Variants in RELN observed in about 807,000 individuals in gnomAD.
The protein encoded by RELN is reelin.
Under a neutral mutation model 427.6 loss-of-function variants are expected in RELN, and 108 were observed. The observed-to-expected ratio is 0.25, with a 90% CI of 0.22 to 0.30. The LOEUF (loss-of-function observed/expected upper bound fraction) is 0.30. Among genes scored for constraint, RELN ranks in the 10% least tolerant of loss-of-function variants. The pLI is 1.00. For synonymous variants in RELN, 1,524 were observed against 1,513.4 expected, an observed-to-expected ratio of 1.01 and a Z score of -0.16; for missense variants, 3,715 against 4,302.8, an observed-to-expected ratio of 0.86 and a Z score of 3.82.
At chr7:103,756,157 T>C (rs579030) in intron 4 of RELN, among the ~76,000 whole-genome samples, 57,364 of 152,046 alleles carry the variant, frequency 0.38, 10,996 homozygotes, top group Middle Eastern at 0.44. Flanking sequence ...TATAAAATGC[T>C]TTACTTTAAA....
chr7:103,752,233 C>T (rs80165542), intron 5 of RELN, among the ~76,000 whole-genome samples: 3,018 of 152,228 alleles, frequency 0.02, 100 homozygotes, highest in African/African-American at 0.07. Flanking sequence ...AAGTAACTTG[C>T]TCAATATTGT....
intron 3 of RELN, among the ~76,000 whole-genome samples, chr7:103,786,590 C>A (rs916434345): frequency 6.9e-6 from 1 of 145,244 alleles, no homozygotes; most frequent in South Asian, 2.2e-4. Flanking sequence ...CAACAAAGAT[C>A]AAAAAAGACA....
intron 2 of RELN, among the ~76,000 whole-genome samples, chr7:103,911,213 C>G (rs1271356890): frequency 4.9e-5 from 7 of 141,600 alleles, no homozygotes; most frequent in Non-Finnish European, 7.5e-5. Flanking sequence ...AGACACTTCT[C>G]AAAAGAAGAC....
In RELN at chr7:103,630,008, C is replaced by T; in HGVS notation, c.2634G>A (p.Glu878=). ...SISLDFTNLV[E]VTQSLGFYLG... ...GGTAGAATCCCAGAGACTGAGTGACCTCCACAAGATTGGTAAAGTCAAGAC... is the reference window on the plus strand; with the variant it reads ...GGTAGAATCCCAGAGACTGAGTGACTTCCACAAGATTGGTAAAGTCAAGAC... Residue 878 remains glutamate (E), a synonymous_variant, in exon 20 of 65, where the codon GAG becomes GAA. Coordinates refer to ENST00000428762, the MANE Select transcript of RELN (RefSeq NM_005045.4). 1 of 1,613,866 alleles carries T rather than the reference C, an allele frequency of 6.2e-7. No individual in the cohort carries two copies. The highest frequency in any genetic ancestry group is 8.5e-7 in the Non-Finnish European group (1 of 1,179,852).
At chr7:103,964,933 T>C (rs1001019072) in intron 1 of RELN, among the ~76,000 whole-genome samples, 2 of 152,222 alleles carry the variant, frequency 1.3e-5, no homozygotes, top group Non-Finnish European at 1.5e-5. Context: ...AGTTACCTAC[T>C]GTTTCTGAAC....
chr7:103,764,104 G>A (rs1791369318), intron 4 of RELN, among the ~76,000 whole-genome samples: 1 of 152,150 alleles, frequency 6.6e-6, no homozygotes, highest in South Asian at 2.1e-4. Flanking sequence ...ACGGACTAAA[G>A]TTCAGTTTAG....
chr7:103,861,329 A>C (rs919129070), intron 2 of RELN, among the ~76,000 whole-genome samples: 2 of 152,192 alleles, frequency 1.3e-5, no homozygotes, highest in African/African-American at 4.8e-5. Context: ...AGAATGCAAC[A>C]TACTACAAAT....
At position 103,989,386 on chromosome 7, in the gene RELN, CCCTACG is replaced by C; in HGVS notation, c.-36_-31del. 7.0e-7 allele frequency: 1 copy of C among 1,429,248 alleles called. No homozygotes were observed. Among genetic ancestry groups the C allele is most frequent in the Non-Finnish European group, 9.1e-7 (1 of 1,103,034 alleles). 88.5% of individuals were successfully genotyped at this position (1,429,248 alleles called of 1,614,324 possible). A position where few individuals can be genotyped will look rare whatever the true frequency, so the allele number is the denominator to read the frequency against. On this transcript the variant is annotated 5_prime_UTR_variant, in exon 1 of 65. Coordinates refer to ENST00000428762, the MANE Select transcript of RELN (RefSeq NM_005045.4). This position sits in a 1 kb window ranked among gnomAD's most constrained non-coding sequence, Gnocchi z 4.9. ...CCGCCGCCGCCGCCGCCGCCGCGCG[CCCTACG>C]CGCCGCTCGCTCATTCAGTTTTGGA...
rs1191041388 is a variant in RELN, at chr7:103,909,698, TTTAATATATA to T, written c.337+7367_337+7376del. On this transcript the variant is annotated intron_variant, in intron 2 of 64. Coordinates refer to ENST00000428762, the MANE Select transcript of RELN (RefSeq NM_005045.4). ...TAAATATATTTAATAAATATATATA[TTTAATATATA>T]TAAATATATATTAAATATATTTTTT... Among the ~76,000 whole-genome samples the T allele has an allele frequency of 1.2e-3, 80 of 64,628 alleles. 3 individuals carry two copies. The highest frequency in any genetic ancestry group is 6.4e-3 in the African/African-American group (77 of 12,076). The allele number at this position is 64,628 out of a possible 152,430, so 42.4% of individuals were successfully genotyped here. A position where few individuals can be genotyped will look rare whatever the true frequency, so the allele number is the denominator to read the frequency against.
chr7:103,941,863 CAG>C (rs936816706), intron 1 of RELN, among the ~76,000 whole-genome samples: 1 of 151,958 alleles, frequency 6.6e-6, no homozygotes, highest in East Asian at 1.9e-4. Context: ...ACCACTGTGA[CAG>C]AGAGAGAGAA....
chr7:103,748,859 G>C (rs1790922407), intron 6 of RELN, among the ~76,000 whole-genome samples: 2 of 152,176 alleles, frequency 1.3e-5, no homozygotes, highest in South Asian at 4.1e-4. Context: ...TGGGTCGATA[G>C]ACCTATTTCT....
chr7:103,810,336 G>A (rs1035572211), intron 3 of RELN, among the ~76,000 whole-genome samples: 17 of 151,918 alleles, frequency 1.1e-4, no homozygotes, highest in African/African-American at 3.4e-4. Flanking sequence ...TTTGTCACTC[G>A]GGCCTTGAAA....
intron 53 of RELN, 28 bp from the exon 54 acceptor site, chr7:103,498,280 T>TA (rs745709647): frequency 1.1e-5 from 17 of 1,602,108 alleles, no homozygotes; most frequent in South Asian, 5.5e-5. Context: ...CAGATGTGGT[T>TA]AAAAAAACAA....
intron 2 of RELN, among the ~76,000 whole-genome samples, chr7:103,870,669 T>C (rs1382093473): frequency 1.3e-5 from 2 of 152,102 alleles, no homozygotes; most frequent in Non-Finnish European, 2.9e-5. Flanking sequence ...ACCTAATCTT[T>C]TCACTTTGGC....
At chr7:103,571,930 G>A (rs1351689761) in intron 31 of RELN, among the ~76,000 whole-genome samples, 2 of 152,110 alleles carry the variant, frequency 1.3e-5, no homozygotes, top group African/African-American at 4.8e-5. Flanking sequence ...AAGGAATAGG[G>A]TTCCCTAAAA....
chr7:103,971,303 TAA>T (rs990336469), intron 1 of RELN, among the ~76,000 whole-genome samples: 4 of 151,964 alleles, frequency 2.6e-5, no homozygotes, highest in Non-Finnish European at 4.4e-5. Flanking sequence ...ACCCAAAAAT[TAA>T]AAGACAAAGG....
At chr7:103,896,410 G>T in intron 2 of RELN, among the ~76,000 whole-genome samples, 1 of 151,964 alleles carries the variant, frequency 6.6e-6, no homozygotes, top group East Asian at 1.9e-4. Flanking sequence ...AACAACTCAG[G>T]TGTCCAATAG....
chr7:103,806,112 C>T (rs1351563870), intron 3 of RELN, among the ~76,000 whole-genome samples: 2 of 152,084 alleles, frequency 1.3e-5, no homozygotes, highest in African/African-American at 4.8e-5. Flanking sequence ...AATAGTCATG[C>T]TTAATTTTTC....
In RELN at chr7:103,733,409, A is replaced by T. The variant is rs534248504; in HGVS notation, c.657-5202T>A. Among the ~76,000 whole-genome samples, 724 of 133,188 alleles carry T rather than the reference A, an allele frequency of 5.4e-3. 15 individuals carry two copies. The highest frequency in any genetic ancestry group is 8.3e-3 in the Non-Finnish European group (501 of 60,478). 87.4% of individuals were successfully genotyped at this position (133,188 alleles called of 152,430 possible). A position where few individuals can be genotyped will look rare whatever the true frequency, so the allele number is the denominator to read the frequency against. On this transcript the variant is annotated intron_variant, in intron 6 of 64. Coordinates refer to ENST00000428762, the MANE Select transcript of RELN (RefSeq NM_005045.4). ...ATTCCTCAGGGATCTAGAACAAGAA[A>T]TACCATTTGACCCAGCCATCCCATT...
Sources: allele counts gnomAD v4.1 joint callset (sites outside exome capture counted in the v4.1 genomes callset), GRCh38; gene constraint gnomAD v4.1.1; non-coding constraint Gnocchi (gnomAD v3.1); transcripts MANE v1.5; gene names NCBI Gene and HGNC (gene_info 2026-07-23, HGNC 2026-07-21).